Variants in HCN2 observed in about 807,000 individuals in gnomAD.
HCN2 encodes hyperpolarization activated cyclic nucleotide gated potassium and sodium channel 2, also known as potassium/sodium hyperpolarization-activated cyclic nucleotide-gated channel 2.
Under a neutral mutation model 52.3 loss-of-function variants are expected in HCN2, and 20 were observed. The observed-to-expected ratio is 0.38, with a 90% CI of 0.27 to 0.56. HCN2 has a LOEUF of 0.56. Ranked by LOEUF, HCN2 falls within the 20% of genes least tolerant of loss-of-function variation. The pLI is 0.71. For synonymous variants in HCN2, 694 were observed against 537.0 expected (o/e 1.29, Z -4.04); for missense variants, 981 against 1,207.7 (o/e 0.81, Z 2.78).
At chr19:598,100 A>G (rs1983093265) in intron 1 of HCN2, among the ~76,000 whole-genome samples, 1 of 152,136 alleles carries the variant, frequency 6.6e-6, no homozygotes, top group African/African-American at 2.4e-5. Context: ...GCAGGGGGCC[A>G]GCGGCAGGCG....
Position 617,099 on chromosome 19 carries a change from C to A in HCN2, c.*625C>A. 1.9e-6 allele frequency: 1 copy of A among 514,856 alleles called. No homozygotes were observed. Among genetic ancestry groups the A allele is most frequent in the South Asian group, 1.9e-5 (1 of 51,952 alleles). The allele number at this position is 514,856 out of a possible 1,614,324, so 31.9% of individuals were successfully genotyped here. A position where few individuals can be genotyped will look rare whatever the true frequency, so the allele number is the denominator to read the frequency against. On this transcript the variant is annotated 3_prime_UTR_variant, in exon 8 of 8. Coordinates refer to ENST00000251287, the MANE Select transcript of HCN2 (RefSeq NM_001194.4). Reference sequence around the variant, plus strand: ...GGCAGCAGTGCCCCCACCGTGGCCCCCCACGCCCCATTAACCCCCACACCC... The same window carrying A: ...GGCAGCAGTGCCCCCACCGTGGCCCACCACGCCCCATTAACCCCCACACCC...
At chr19:609,827 T>C (rs1473836882) in intron 4 of HCN2, among the ~76,000 whole-genome samples, 2 of 152,042 alleles carry the variant, frequency 1.3e-5, no homozygotes, top group African/African-American at 2.4e-5. Flanking sequence ...CTTGAGCCCA[T>C]AGGCGGAGGC....
chr19:608,144 C>CA lies in HCN2; in HGVS notation c.1400dup (p.Ser468ValfsTer28), dbSNP rs1230435568. ...CATCGGCCACGCCACTGCCCTCATC[C>CA]AGTCGCTGGACTCCTCGCGGCGCCA... On this transcript the variant is annotated frameshift_variant, in exon 4 of 8. Coordinates refer to ENST00000251287, the MANE Select transcript of HCN2 (RefSeq NM_001194.4). LOFTEE classifies it high-confidence loss of function. 6.2e-7 allele frequency: 1 copy of CA among 1,613,076 alleles called. No individual in the cohort carries two copies. Among genetic ancestry groups the CA allele is most frequent in the Non-Finnish European group, 8.5e-7 (1 of 1,180,012 alleles).
intron 2 of HCN2, among the ~76,000 whole-genome samples, chr19:604,610 T>C (rs1259809738): frequency 2.3e-5 from 2 of 88,756 alleles, no homozygotes; most frequent in Admixed American, 1.3e-4. Flanking sequence ...AGTGGAGATA[T>C]GAGGGTTGTG....
rs1294594031 is a variant in HCN2, at chr19:613,415, C to T, written c.1752C>T (p.Ile584=). 8 of 1,612,292 alleles carry T rather than the reference C, an allele frequency of 5.0e-6. No homozygotes were observed. The highest frequency in any genetic ancestry group is 1.3e-5 in the African/African-American group (1 of 74,654). The change falls in exon 6 of 8, where the codon ATC becomes ATT. Residue 584 remains isoleucine (I), a synonymous_variant. Coordinates refer to ENST00000251287, the MANE Select transcript of HCN2 (RefSeq NM_001194.4). The part of the protein sequence containing the change: ...EGTIGKKMYF[I]QHGVVSVLTK... Reference sequence around the variant, plus strand: ...CCATCGGGAAGAAGATGTACTTCATCCAGCACGGCGTGGTCAGCGTGCTCA... The same window carrying T: ...CCATCGGGAAGAAGATGTACTTCATTCAGCACGGCGTGGTCAGCGTGCTCA...
In HCN2 at chr19:616,487, G is replaced by A. The variant is rs1220991588; in HGVS notation, c.*13G>A. ...GTCCAACTTGTGACCCTCGCCGACC[G>A]CCCCGCGGGCCCAGGCGGGCCGGGG... On this transcript the variant is annotated 3_prime_UTR_variant, in exon 8 of 8. Coordinates refer to ENST00000251287, the MANE Select transcript of HCN2 (RefSeq NM_001194.4). 5.0e-6 allele frequency: 6 copies of A among 1,209,980 alleles called. No individual in the cohort carries two copies. Among genetic ancestry groups the A allele is most frequent in the Non-Finnish European group, 5.1e-6 (5 of 971,250 alleles). 75.0% of individuals were successfully genotyped at this position (1,209,980 alleles called of 1,614,324 possible). A position where few individuals can be genotyped will look rare whatever the true frequency, so the allele number is the denominator to read the frequency against.
chr19:601,928 C>G (rs1983214389), intron 1 of HCN2, among the ~76,000 whole-genome samples: 1 of 152,058 alleles, frequency 6.6e-6, no homozygotes, highest in East Asian at 1.9e-4. Context: ...CCGGGTGTAT[C>G]TGGGAGTGGA....
At chr19:609,284 GGCACCCCCGCCCA>G (rs1247744332) in intron 4 of HCN2, among the ~76,000 whole-genome samples, 1 of 152,230 alleles carries the variant, frequency 6.6e-6, no homozygotes, top group East Asian at 1.9e-4. Flanking sequence ...AGCAGGGCCT[GGCACCCCCGCCCA>G]GCACCCACGC....
Position 615,959 on chromosome 19 carries a change from C to T in HCN2, c.2155C>T (p.Pro719Ser). 8 of 1,604,880 alleles carry T rather than the reference C, an allele frequency of 5.0e-6. No individual in the cohort carries two copies. Among genetic ancestry groups the T allele is most frequent in the Non-Finnish European group, 6.8e-6 (8 of 1,177,838 alleles). Reference protein sequence around the residue: ...QRVGLFPPPPPPPQVTSAIAT... With the variant: ...QRVGLFPPPPSPPQVTSAIAT... ...CGTGGGCCTCTTCCCGCCGCCGCCG[C>T]CGCCGCCGCAGGTCACCTCGGCCAT... Residue 719 changes from proline to serine, a missense_variant, in exon 8 of 8, where the codon CCG becomes TCG. By Grantham distance (74) the Pro-to-Ser change is moderately conservative. Coordinates refer to ENST00000251287, the MANE Select transcript of HCN2 (RefSeq NM_001194.4).
chr19:600,549 G>C (rs1983170188), intron 1 of HCN2, among the ~76,000 whole-genome samples: 1 of 151,776 alleles, frequency 6.6e-6, no homozygotes, highest in Non-Finnish European at 1.5e-5. Flanking sequence ...GTTTCACTCT[G>C]TTGGCCAGGC....
chr19:615,114 T>A (rs544988467), intron 7 of HCN2, among the ~76,000 whole-genome samples: 231 of 152,190 alleles, frequency 1.5e-3, no homozygotes, highest in Middle Eastern at 6.8e-3. Flanking sequence ...GGTATGCCTG[T>A]GGCACACTGG....
At chr19:609,376 C>A (rs989842881) in intron 4 of HCN2, among the ~76,000 whole-genome samples, 1 of 152,186 alleles carries the variant, frequency 6.6e-6, no homozygotes. Context: ...GGCCAGAGCC[C>A]CCGGGAAGGG....
At chr19:604,920 G>T (rs1342682348) in intron 2 of HCN2, 141 bp from the exon 3 acceptor site, 9 of 873,236 alleles carry the variant, frequency 1.0e-5, no homozygotes, top group Admixed American at 2.6e-5. Flanking sequence ...GGGCTGCAGG[G>T]TGGGGCGGGG....
rs1056885868 is a variant in HCN2 at position 616,080 on chromosome 19, G to A, written c.2276G>A (p.Arg759His). The A allele has an allele frequency of 5.6e-6, 6 of 1,062,010 alleles. No homozygotes were observed. The highest frequency in any genetic ancestry group is 1.4e-4 in the East Asian group (2 of 14,586). The allele number at this position is 1,062,010 out of a possible 1,614,324, so 65.8% of individuals were successfully genotyped here. A position where few individuals can be genotyped will look rare whatever the true frequency, so the allele number is the denominator to read the frequency against. The change falls in exon 8 of 8, where the codon CGC (arginine) becomes CAC (histidine). Residue 759 changes from arginine (R) to histidine (H), a missense_variant. Physicochemically the swap from Arg to His is conservative, Grantham distance 29. Coordinates refer to ENST00000251287, the MANE Select transcript of HCN2 (RefSeq NM_001194.4). ...GCGCTCGGCTCGCCGCGCCTCGTGC[G>A]CCGCCCGCCCCCGGGGCCCGCACCT... ...PLALGSPRLV[R>H]RPPPGPAPAA... is the part of the protein sequence containing the mutation.
intron 1 of HCN2, among the ~76,000 whole-genome samples, chr19:597,895 C>G (rs1034862548): frequency 6.6e-6 from 1 of 152,194 alleles, no homozygotes; most frequent in Non-Finnish European, 1.5e-5. Context: ...CTAGGTCCCC[C>G]TTGGTGGTCT....
At position 590,030 on chromosome 19, in the gene HCN2, GCGCCCC is replaced by G; in HGVS notation, c.87_92del (p.Pro30_Pro31del). The G allele has an allele frequency of 3.4e-6, 2 of 588,858 alleles. No individual in the cohort carries two copies. The highest frequency in any genetic ancestry group is 4.2e-6 in the Non-Finnish European group (2 of 480,570). 36.5% of individuals were successfully genotyped at this position (588,858 alleles called of 1,614,324 possible). On this transcript the variant is annotated inframe_deletion, in exon 1 of 8. Coordinates refer to ENST00000251287, the MANE Select transcript of HCN2 (RefSeq NM_001194.4). The surrounding 1 kb of genome is among the most constrained non-coding windows in gnomAD (Gnocchi z 7.2). ...GGGGCCGCCGCCGCCGCCGCCGCCC[GCGCCCC>G]CCCAACAGCAGCCGCCGCCGCCGCC...
intron 1 of HCN2, among the ~76,000 whole-genome samples, chr19:594,917 T>C (rs1368443541): frequency 2.6e-5 from 4 of 152,148 alleles, no homozygotes; most frequent in Non-Finnish European, 4.4e-5. Flanking sequence ...ACGGACATCT[T>C]TGTCCAGGCA....
In HCN2 at chr19:613,353, G is replaced by C; in HGVS notation, c.1690G>C (p.Val564Leu). The C allele has an allele frequency of 6.2e-7, 1 of 1,613,046 alleles. No homozygotes were observed. The highest frequency in any genetic ancestry group is 8.5e-7 in the Non-Finnish European group (1 of 1,179,908). Reference sequence around the variant, plus strand: ...CATGCTGACCAAGCTCAAGTTCGAGGTCTTCCAGCCGGGTGACTACATCAT... The same window carrying C: ...CATGCTGACCAAGCTCAAGTTCGAGCTCTTCCAGCCGGGTGACTACATCAT... ...TAMLTKLKFEVFQPGDYIIRE... is the reference protein window; with the variant it reads ...TAMLTKLKFELFQPGDYIIRE... The change falls in exon 6 of 8, where the codon GTC (valine) becomes CTC (leucine). Residue 564 changes from valine to leucine, a missense_variant. By Grantham distance (32) the Val-to-Leu change is conservative. Coordinates refer to ENST00000251287, the MANE Select transcript of HCN2 (RefSeq NM_001194.4).
chr19:615,719 T>G, intron 7 of HCN2, 76 bp from the exon 8 acceptor site: 2 of 1,467,710 alleles, frequency 1.4e-6, no homozygotes, highest in Non-Finnish European at 1.9e-6. Context: ...GCACCCGCGG[T>G]GCAGAGTAGG....
Sources: gnomAD v4.1 joint callset for allele counts (sites outside exome capture counted in the v4.1 genomes callset) on GRCh38, gnomAD v4.1.1 for gene constraint, Gnocchi (gnomAD v3.1) non-coding constraint, MANE v1.5 for transcripts, NCBI Gene and HGNC (gene_info 2026-07-23, HGNC 2026-07-21) for gene names.